The following DIAPH3 variants were observed in gnomAD, a reference collection of about 807,000 sequenced individuals.
The protein encoded by DIAPH3 is diaphanous related formin 3.
Under a neutral mutation model 144.3 loss-of-function variants are expected in DIAPH3, and 117 were observed. The ratio of observed to expected loss-of-function variants is 0.81; its 90% CI spans 0.70 to 0.95. The LOEUF is 0.95. Among genes scored for constraint, DIAPH3 ranks in the 40% least tolerant of loss-of-function variants. The probability of loss-of-function intolerance (pLI) is 0.00; values close to 1 mark genes in which losing one functional copy is unlikely to be tolerated. For missense variants in DIAPH3, 1,421 were observed against 1,412.7 expected, an observed-to-expected ratio of 1.01 and a Z score of -0.09; for synonymous variants, 519 against 488.9, an observed-to-expected ratio of 1.06 and a Z score of -0.81.
intron 7 of DIAPH3, among the ~76,000 whole-genome samples, chr13:60,012,381 C>G (rs2053331545): frequency 1.3e-5 from 2 of 151,454 alleles, no homozygotes; most frequent in Non-Finnish European, 2.9e-5. Flanking sequence ...GACAGCTAAA[C>G]AGTCAGGAAA....
intron 17 of DIAPH3, among the ~76,000 whole-genome samples, chr13:59,968,986 G>T (rs375094992): frequency 6.6e-6 from 1 of 152,086 alleles, no homozygotes; most frequent in South Asian, 2.1e-4. Flanking sequence ...CAGGGATATA[G>T]GTGGCATAAG....
intron 21 of DIAPH3, among the ~76,000 whole-genome samples, chr13:59,870,422 A>G (rs950223604): frequency 6.6e-6 from 1 of 151,852 alleles, no homozygotes; most frequent in Non-Finnish European, 1.5e-5. Flanking sequence ...TTTCCAACTT[A>G]GTTCTTCTTC....
At chr13:60,110,009 A>G (rs1406622315) in intron 3 of DIAPH3, among the ~76,000 whole-genome samples, 1 of 152,234 alleles carries the variant, frequency 6.6e-6, no homozygotes, top group Non-Finnish European at 1.5e-5. Context: ...CACAGAAACT[A>G]GACTATTACC....
intron 4 of DIAPH3, among the ~76,000 whole-genome samples, chr13:60,059,550 A>G (rs936095178): frequency 2.0e-5 from 3 of 152,078 alleles, no homozygotes; most frequent in Admixed American, 2.0e-4. Flanking sequence ...GAACAATAAA[A>G]TTAAATAAAA....
At chr13:59,694,690 G>C (rs1375453761) in intron 27 of DIAPH3, among the ~76,000 whole-genome samples, 1 of 152,012 alleles carries the variant, frequency 6.6e-6, no homozygotes, top group Non-Finnish European at 1.5e-5. Flanking sequence ...CTTTGTTCCT[G>C]GTTCTTGGGA....
intron 5 of DIAPH3, among the ~76,000 whole-genome samples, chr13:60,031,683 G>A (rs773818861): frequency 6.7e-6 from 1 of 149,918 alleles, no homozygotes; most frequent in Non-Finnish European, 1.5e-5. Context: ...AAAACAAAGG[G>A]GCTACAGGCC....
At chr13:59,723,080 A>G (rs572073105) in intron 27 of DIAPH3, among the ~76,000 whole-genome samples, 6 of 152,262 alleles carry the variant, frequency 3.9e-5, no homozygotes, top group African/African-American at 1.4e-4. Flanking sequence ...ACTCTTCAGA[A>G]TAATGTTCAG....
intron 1 of DIAPH3, among the ~76,000 whole-genome samples, chr13:60,154,882 CT>C (rs1413449838): frequency 6.6e-6 from 1 of 152,160 alleles, no homozygotes; most frequent in Non-Finnish European, 1.5e-5. Flanking sequence ...TTAGAGGATA[CT>C]ATGTGCTAAG....
At chr13:60,119,481 C>T (rs2058780816) in intron 2 of DIAPH3, among the ~76,000 whole-genome samples, 1 of 152,090 alleles carries the variant, frequency 6.6e-6, no homozygotes, top group Admixed American at 6.5e-5. Flanking sequence ...GGCGCGGTGG[C>T]TCACGCCTGT....
chr13:59,914,913 G>T (rs2780632), intron 19 of DIAPH3, among the ~76,000 whole-genome samples: 73,964 of 152,014 alleles, frequency 0.49, 19,350 homozygotes, highest in Admixed American at 0.57. Context: ...TGGTGAATGG[G>T]TATAGTACAA....
At position 59,980,415 on chromosome 13, in the gene DIAPH3, G is replaced by A. The variant is rs76356122; in HGVS notation, c.1545+380C>T. Among the ~76,000 whole-genome samples, 204 of 151,504 alleles carry A rather than the reference G, an allele frequency of 1.3e-3. 3 individuals are homozygous for A. In the East Asian group the frequency reaches 0.033, roughly 24 times the overall value. On this transcript the variant is annotated intron_variant, in intron 14 of 27. Transcript: ENST00000400324. ...GCTCCATCATCCACTCATTCAAAAA[G>A]GATCTTTTTAGTTCTTACAAAGGGC...
chr13:60,152,810 T>C (rs1951854925), intron 1 of DIAPH3, among the ~76,000 whole-genome samples: 1 of 114,500 alleles, frequency 8.7e-6, no homozygotes, highest in Admixed American at 1.0e-4. Context: ...ACACATTGTA[T>C]ACATCCTTCA....
chr13:60,158,906 T>TAAA (rs71197285), intron 1 of DIAPH3, among the ~76,000 whole-genome samples: 5,078 of 76,802 alleles, frequency 0.066, 311 homozygotes, highest in African/African-American at 0.11. Context: ...TGGCCCCTCT[T>TAAA]AAAAAAAAAA....
intron 4 of DIAPH3, among the ~76,000 whole-genome samples, chr13:60,085,841 T>C (rs2057728155): frequency 6.6e-6 from 1 of 152,146 alleles, no homozygotes; most frequent in Non-Finnish European, 1.5e-5. Context: ...TGGTAAGTTT[T>C]TAATTATATT....
chr13:60,053,642 C>A (rs2056444772), intron 4 of DIAPH3, among the ~76,000 whole-genome samples: 1 of 152,014 alleles, frequency 6.6e-6, no homozygotes, highest in Non-Finnish European at 1.5e-5. Context: ...TTGCCCCTAC[C>A]TAAATGACTA....
At chr13:59,983,719 C>A (rs1464036849) in intron 13 of DIAPH3, 50 bp downstream of exon 13, 3 of 1,289,312 alleles carry the variant, frequency 2.3e-6, no homozygotes, top group Middle Eastern at 2.1e-4. Flanking sequence ...AGAGCTCATT[C>A]ATAGAATAAG....
chr13:60,029,393 C>T (rs1023066751), intron 5 of DIAPH3, among the ~76,000 whole-genome samples: 3 of 152,112 alleles, frequency 2.0e-5, no homozygotes. Context: ...TCAATTCTCC[C>T]TAATATGATT....
In DIAPH3 at chr13:59,783,554, A is replaced by G. The variant is rs116404330; in HGVS notation, c.3164-8731T>C. Among the ~76,000 whole-genome samples the G allele has an allele frequency of 2.7e-3, 417 of 152,322 alleles. 3 individuals carry two copies. The highest frequency in any genetic ancestry group is 9.6e-3 in the African/African-American group (397 of 41,568). On this transcript the variant is annotated intron_variant, in intron 25 of 27. Transcript: ENST00000400324. ...AGAAGCATAGGTCGTACCTGAAACT[A>G]TGGAAAAGAGTACAAGCATAGTAAA...
At position 59,774,221 on chromosome 13, in the gene DIAPH3, G is replaced by A; in HGVS notation, c.3287C>T (p.Ser1096Phe). 6.2e-7 allele frequency: 1 copy of A among 1,612,934 alleles called. No individual in the cohort carries two copies. Reference sequence around the variant, plus strand: ...ACAAACTTTCAGAACAGGCCTCTGAGACATTGGACTGAGACTCTGCCGAAC... The same window carrying A: ...ACAAACTTTCAGAACAGGCCTCTGAAACATTGGACTGAGACTCTGCCGAAC... ...KDVRQSLSPMSQRPVLKVCNH... is the reference protein window; with the variant it reads ...KDVRQSLSPMFQRPVLKVCNH... Residue 1096 changes from serine (S) to phenylalanine (F), a missense_variant, in exon 27 of 28, where the codon TCT becomes TTT. Physicochemically the swap from Ser to Phe is radical, Grantham distance 155 (BLOSUM62 -2). Coordinates refer to ENST00000400324, the MANE Select transcript of DIAPH3 (RefSeq NM_001042517.2).
Sources: allele counts gnomAD v4.1 joint callset (sites outside exome capture counted in the v4.1 genomes callset), GRCh38; gene constraint gnomAD v4.1.1; transcripts MANE v1.5; gene names NCBI Gene and HGNC (gene_info 2026-07-23, HGNC 2026-07-21).